Variants in BNIP5 observed in about 807,000 individuals in gnomAD.
BNIP5 encodes BCL2 interacting protein 5.
BNIP5 carries 61 observed loss-of-function variants against 67.3 expected under a neutral mutation model. The ratio of observed to expected loss-of-function variants is 0.91; its 90% CI spans 0.74 to 1.12. The LOEUF (loss-of-function observed/expected upper bound fraction) is 1.12, where lower values mean the gene tolerates loss of function less well. BNIP5 is among the 50% of genes most tolerant of loss of function. The pLI is 0.00. For missense variants in BNIP5, 826 were observed against 816.3 expected (o/e 1.01, Z -0.14); for synonymous variants, 317 against 319.0 (o/e 0.99, Z 0.07).
intron 8 of BNIP5, among the ~76,000 whole-genome samples, chr6:36,322,667 G>T (rs1421148179): frequency 6.6e-6 from 1 of 152,156 alleles, no homozygotes; most frequent in Non-Finnish European, 1.5e-5. Context: ...TCTGGGAGGG[G>T]CGCAGTTAAA....
intron 1 of BNIP5, among the ~76,000 whole-genome samples, chr6:36,335,894 G>T (rs949255742): frequency 2.6e-5 from 4 of 152,162 alleles, no homozygotes; most frequent in African/African-American, 9.7e-5. Context: ...ACACATGCAC[G>T]CACTTACACA....
chr6:36,336,558 C>G (rs1772021009), intron 1 of BNIP5, among the ~76,000 whole-genome samples, 154 bp downstream of exon 1: 1 of 152,144 alleles, frequency 6.6e-6, no homozygotes, highest in Non-Finnish European at 1.5e-5. Context: ...TCCCCCACCT[C>G]CACCCCCATT....
chr6:36,330,743 G>T, intron 1 of BNIP5, 49 bp from the exon 2 acceptor site: 1 of 1,510,652 alleles, frequency 6.6e-7, no homozygotes, highest in South Asian at 1.3e-5. Context: ...TGTTTGTTTT[G>T]ATTTGTTTGT....
At chr6:36,321,030 A>G in intron 10 of BNIP5, 125 bp downstream of exon 10, 1 of 629,306 alleles carries the variant, frequency 1.6e-6, no homozygotes. Context: ...GGAAAAGAGG[A>G]AACCGAGACT....
intron 8 of BNIP5, 52 bp downstream of exon 8, chr6:36,323,241 G>GGCTT: frequency 6.2e-7 from 1 of 1,609,732 alleles, no homozygotes; most frequent in Non-Finnish European, 8.5e-7. Flanking sequence ...CCACACAGCA[G>GGCTT]CCTTGCCCAA....
At chr6:36,326,834 C>T in intron 4 of BNIP5, 81 bp from the exon 5 acceptor site, 2 of 1,584,036 alleles carry the variant, frequency 1.3e-6, no homozygotes, top group Admixed American at 3.4e-5. Context: ...GAAGAGCAGC[C>T]AAGCTGCAAG....
At chr6:36,323,142 C>T in intron 8 of BNIP5, 151 bp downstream of exon 8, 2 of 1,135,490 alleles carry the variant, frequency 1.8e-6, no homozygotes, top group Non-Finnish European at 2.5e-6. Context: ...TTCCACACCC[C>T]CCACTCTACT....
At chr6:36,326,874 C>A (rs1381470804) in intron 4 of BNIP5, 121 bp from the exon 5 acceptor site, 4 of 1,485,102 alleles carry the variant, frequency 2.7e-6, no homozygotes, top group Non-Finnish European at 3.7e-6. Context: ...GGCAGCAGAG[C>A]CCAGAGCAGG....
At chr6:36,332,648 TG>T (rs1771932490) in intron 1 of BNIP5, among the ~76,000 whole-genome samples, 2 of 152,016 alleles carry the variant, frequency 1.3e-5, no homozygotes, top group Non-Finnish European at 2.9e-5. Flanking sequence ...CTTAGAGCAG[TG>T]GGGGCTCTTC....
intron 4 of BNIP5, 111 bp from the exon 5 acceptor site, chr6:36,326,864 G>A (rs554298763): frequency 4.0e-6 from 6 of 1,514,102 alleles, no homozygotes; most frequent in East Asian, 2.3e-5. Flanking sequence ...AGAGAGGGGA[G>A]GCAGCAGAGC....
chr6:36,318,142 A>G (rs1771558820), intron 11 of BNIP5, among the ~76,000 whole-genome samples: 1 of 152,236 alleles, frequency 6.6e-6, no homozygotes, highest in Non-Finnish European at 1.5e-5. Context: ...TGGCTTCTAA[A>G]GGTAATTCCA....
intron 3 of BNIP5, 31 bp downstream of exon 3, chr6:36,328,567 G>C (rs780592522): frequency 7.2e-7 from 1 of 1,388,502 alleles, no homozygotes; most frequent in Non-Finnish European, 1.0e-6. Context: ...CTCAGCCACA[G>C]GCAAAAAGGT....
Position 36,316,984 on chromosome 6 carries a change from A to T in BNIP5, c.*372T>A. 1 of 429,984 alleles carries T rather than the reference A, an allele frequency of 2.3e-6. No individual in the cohort carries two copies. Among genetic ancestry groups the T allele is most frequent in the Non-Finnish European group, 4.1e-6 (1 of 244,964 alleles). 26.6% of individuals were successfully genotyped at this position (429,984 alleles called of 1,614,324 possible). On this transcript the variant is annotated 3_prime_UTR_variant, in exon 12 of 12. Coordinates refer to ENST00000437635, the MANE Select transcript of BNIP5 (RefSeq NM_001010903.5). ...TTTAGTTTAAAAACTAGACTCAGTT[A>T]ACATGAACATCTGAGAAAATATCAG...
At chr6:36,327,492 G>A (rs1771791431) in intron 3 of BNIP5, among the ~76,000 whole-genome samples, 1 of 152,200 alleles carries the variant, frequency 6.6e-6, no homozygotes, top group Admixed American at 6.5e-5. Flanking sequence ...TCAGAAAGCT[G>A]TCAAATGAGG....
chr6:36,332,934 T>G (rs1428723390), intron 1 of BNIP5, among the ~76,000 whole-genome samples: 3 of 152,240 alleles, frequency 2.0e-5, no homozygotes, highest in Non-Finnish European at 4.4e-5. Flanking sequence ...GGTTGCCTGC[T>G]CTAATTTGTC....
chr6:36,327,190 A>G, intron 3 of BNIP5, 96 bp from the exon 4 acceptor site: 1 of 1,093,182 alleles, frequency 9.1e-7, no homozygotes. Flanking sequence ...ACAACTCTTT[A>G]GGCCACACAA....
rs141106677 is a variant in BNIP5 at position 36,328,536 on chromosome 6, G to A, written c.727+62C>T. On this transcript the variant is annotated intron_variant, in intron 3 of 11. Transcript: ENST00000437635. ...TCTCAGTAATCATTCAGAACAATCC[G>A]TCTCATTCAGTAACAGCCACCTCAG... 1.3e-4 allele frequency: 125 copies of A among 965,648 alleles called. 4 individuals carry two copies. The African/African-American group carries it at 1.7e-3, about 13-fold the overall frequency. The allele number at this position is 965,648 out of a possible 1,614,324, so 59.8% of individuals were successfully genotyped here.
chr6:36,322,300 G>T lies in BNIP5; in HGVS notation c.1603+11C>A, dbSNP rs368779383. On this transcript the variant is annotated intron_variant, in intron 9 of 11. Transcript: ENST00000437635. ...GGAAGCTGTCCAGGTAAGAGCAGGG[G>T]TGTTACTGACTAGATTCACATGCTC... 1 of 1,613,994 alleles carries T rather than the reference G, an allele frequency of 6.2e-7. No individual in the cohort carries two copies. Among genetic ancestry groups the T allele is most frequent in the South Asian group, 1.1e-5 (1 of 91,082 alleles).
In BNIP5 at chr6:36,325,396, A is replaced by G; in HGVS notation, c.1055T>C (p.Val352Ala). Residue 352 changes from valine to alanine, a missense_variant, in exon 6 of 12, where the codon GTC becomes GCC. Val to Ala is a moderately conservative substitution (Grantham distance 64). Transcript: ENST00000437635. ...AGCCTCTGTAGATGGGGCCTCCTGG[A>G]CTTTAGGTTCTTCCAAGCCTGAGAA... ...SSSYGLEEPK[V>A]QEAPSTEAGA... 6.2e-7 allele frequency: 1 copy of G among 1,612,222 alleles called. No homozygotes were observed. The highest frequency in any genetic ancestry group is 1.3e-5 in the African/African-American group (1 of 74,764).
Sources: allele counts gnomAD v4.1 joint callset (sites outside exome capture counted in the v4.1 genomes callset), GRCh38; gene constraint gnomAD v4.1.1; transcripts MANE v1.5; gene names NCBI Gene and HGNC (gene_info 2026-07-23, HGNC 2026-07-21).